HDAC11: variants seen among roughly 807,000 people sequenced by gnomAD.
HDAC11 encodes histone deacetylase 11.
A neutral mutation model predicts 41.1 loss-of-function variants in HDAC11; 23 were observed. That is an observed-to-expected ratio of 0.56 (90% CI 0.40 to 0.79). The LOEUF (loss-of-function observed/expected upper bound fraction) is 0.79. Ranked by LOEUF, HDAC11 falls within the 30% of genes least tolerant of loss-of-function variation. The probability of loss-of-function intolerance (pLI) is 0.00; values close to 1 mark genes in which losing one functional copy is unlikely to be tolerated. For missense variants in HDAC11, 402 were observed against 477.3 expected (o/e 0.84, Z 1.47); for synonymous variants, 187 against 186.6 (o/e 1.00, Z -0.02).
At chr3:13,492,569 G>C (rs1447226534) in intron 3 of HDAC11, among the ~76,000 whole-genome samples, 1 of 152,080 alleles carries the variant, frequency 6.6e-6, no homozygotes, top group African/African-American at 2.4e-5. Context: ...TTTTGAGACA[G>C]AGTTTCACTC....
At position 13,500,727 on chromosome 3, in the gene HDAC11, C is replaced by A; in HGVS notation, c.427C>A (p.His143Asn). 6.3e-7 allele frequency: 1 copy of A among 1,596,662 alleles called. No homozygotes were observed. Among genetic ancestry groups the A allele is most frequent in the Admixed American group, 1.7e-5 (1 of 58,218 alleles). ...WAINVGGGFHHCSSDRGGGFC... is the reference protein window; with the variant it reads ...WAINVGGGFHNCSSDRGGGFC... ...CCCTTCCGCAGGGGGTGGCTTCCAC[C>A]ACTGCTCCAGCGACCGTGGCGGGGG... The change falls in exon 6 of 10, where the codon CAC becomes AAC. Residue 143 changes from histidine (H) to asparagine (N), a missense_variant. By Grantham distance (68) the His-to-Asn change is moderately conservative. Coordinates refer to ENST00000295757, the MANE Select transcript of HDAC11 (RefSeq NM_024827.4).
intron 2 of HDAC11, 41 bp downstream of exon 2, chr3:13,481,435 A>G (rs371130281): frequency 9.3e-5 from 150 of 1,607,794 alleles, no homozygotes; most frequent in Non-Finnish European, 1.2e-4. Flanking sequence ...GCTTCCTCCA[A>G]CCCACCTGTC....
chr3:13,487,578 C>CA (rs769033246), intron 3 of HDAC11, among the ~76,000 whole-genome samples: 15 of 152,230 alleles, frequency 9.9e-5, no homozygotes, highest in Non-Finnish European at 1.9e-4. Context: ...TTGAGCTCCC[C>CA]AGTGCCCCAG....
chr3:13,504,399 C>T, intron 9 of HDAC11, 69 bp from the exon 10 acceptor site: 1 of 1,596,706 alleles, frequency 6.3e-7, no homozygotes, highest in African/African-American at 1.3e-5. Context: ...CAGGGCTAGC[C>T]CTGCAGCAGG....
intron 5 of HDAC11, 92 bp from the exon 6 acceptor site, chr3:13,500,621 G>C: frequency 9.8e-7 from 1 of 1,019,194 alleles, no homozygotes; most frequent in South Asian, 1.4e-5. Flanking sequence ...GCTGAGCAGG[G>C]AGGATGCTGG....
rs926658146 is a variant in HDAC11, at chr3:13,480,866, C to T, written c.3-380C>T. 1 of 386,290 alleles carries T rather than the reference C, an allele frequency of 2.6e-6. No homozygotes were observed. The highest frequency in any genetic ancestry group is 2.1e-5 in the South Asian group (1 of 47,830). 23.9% of individuals were successfully genotyped at this position (386,290 alleles called of 1,614,324 possible). ...TCACAACAGCCACACATTTTGCAGCCGAAGCCTTGTGCCACACAGCTGTGG... is the reference window on the plus strand; with the variant it reads ...TCACAACAGCCACACATTTTGCAGCTGAAGCCTTGTGCCACACAGCTGTGG... On this transcript the variant is annotated intron_variant, in intron 1 of 9. Transcript: ENST00000295757. The surrounding 1 kb of genome is among the most constrained non-coding windows in gnomAD (Gnocchi z 4.6).
rs1315075466 is a variant in HDAC11, at chr3:13,480,852, A to T, written c.3-394A>T. On this transcript the variant is annotated intron_variant, in intron 1 of 9. Transcript: ENST00000295757. This position sits in a 1 kb window ranked among gnomAD's most constrained non-coding sequence, Gnocchi z 4.6. The stretch of plus-strand genomic sequence containing the variant: ...CATTCTCTGAGTCCTCACAACAGCC[A>T]CACATTTTGCAGCCGAAGCCTTGTG... The T allele has an allele frequency of 5.1e-6, 2 of 389,848 alleles. No individual in the cohort carries two copies. Among genetic ancestry groups the T allele is most frequent in the Non-Finnish European group, 1.1e-5 (2 of 186,114 alleles). 24.1% of individuals were successfully genotyped at this position (389,848 alleles called of 1,614,324 possible). A position where few individuals can be genotyped will look rare whatever the true frequency, so the allele number is the denominator to read the frequency against.
rs1192931691 is a variant in HDAC11 at position 13,500,803 on chromosome 3, C to T, written c.489+14C>T. ...CTCGCCATCAAGGTGTGTCTATGAG[C>T]AAGTGGGGTCTCGCCTCCAAGAGCC... On this transcript the variant is annotated intron_variant, in intron 6 of 9. Transcript: ENST00000295757. The T allele has an allele frequency of 1.3e-6, 2 of 1,520,040 alleles. No homozygotes were observed. The highest frequency in any genetic ancestry group is 1.8e-6 in the Non-Finnish European group (2 of 1,125,580). The allele number at this position is 1,520,040 out of a possible 1,614,324, so 94.2% of individuals were successfully genotyped here.
chr3:13,485,521 CCAGGGCCCCACCCATTT>C lies in HDAC11; in HGVS notation c.252+1958_252+1974del, dbSNP rs1485589967. On this transcript the variant is annotated intron_variant, in intron 3 of 9. Coordinates refer to ENST00000295757, the MANE Select transcript of HDAC11 (RefSeq NM_024827.4). ...AGGCTGGGGGTGGGGGGCCTAGGTT[CCAGGGCCCCACCCATTT>C]GAGGGGCCTTCAGGGGAACTGTGTT... Among the ~76,000 whole-genome samples the C allele has an allele frequency of 2.6e-5, 4 of 152,318 alleles. No individual in the cohort carries two copies. In the South Asian group the frequency reaches 8.3e-4, roughly 32 times the overall value.
In HDAC11 at chr3:13,502,829, C is replaced by T; in HGVS notation, c.553-55C>T. On this transcript the variant is annotated intron_variant, in intron 7 of 9. Transcript: ENST00000295757. This position sits in a 1 kb window ranked among gnomAD's most constrained non-coding sequence, Gnocchi z 4.1. Reference sequence around the variant, plus strand: ...CCTGAGGGGTGGGTGGGTGGCAGAGCCCCAGCCTTGCCTAGGGCACCTACC... The same window carrying T: ...CCTGAGGGGTGGGTGGGTGGCAGAGTCCCAGCCTTGCCTAGGGCACCTACC... 6.9e-7 allele frequency: 1 copy of T among 1,442,288 alleles called. No individual in the cohort carries two copies. Among genetic ancestry groups the T allele is most frequent in the Non-Finnish European group, 9.7e-7 (1 of 1,029,122 alleles). The allele number at this position is 1,442,288 out of a possible 1,614,324, so 89.3% of individuals were successfully genotyped here.
At chr3:13,492,814 G>T (rs1283943454) in intron 3 of HDAC11, among the ~76,000 whole-genome samples, 2 of 152,162 alleles carry the variant, frequency 1.3e-5, no homozygotes, top group Admixed American at 6.5e-5. Context: ...AAAGTTCTGG[G>T]ATTACAGATG....
chr3:13,504,071 G>A, intron 8 of HDAC11, 23 bp from the exon 9 acceptor site: 1 of 1,610,558 alleles, frequency 6.2e-7, no homozygotes, highest in Non-Finnish European at 8.5e-7. Context: ...TATAAATTGA[G>A]GCCATCCATG....
intron 1 of HDAC11, 86 bp from the exon 2 acceptor site, chr3:13,481,160 G>A: frequency 7.1e-7 from 1 of 1,409,292 alleles, no homozygotes. Flanking sequence ...GGCAATGGCT[G>A]GTGGGTCAGT....
At chr3:13,500,823 A>G (rs748790709) in intron 6 of HDAC11, 34 bp downstream of exon 6, 32 of 1,438,504 alleles carry the variant, frequency 2.2e-5, no homozygotes, top group Non-Finnish European at 2.5e-5. Flanking sequence ...CTCGCCTCCA[A>G]GAGCCCTCCT....
chr3:13,496,230 C>A (rs190804172), intron 3 of HDAC11, among the ~76,000 whole-genome samples: 1 of 152,292 alleles, frequency 6.6e-6, no homozygotes, highest in African/African-American at 2.4e-5. Flanking sequence ...CAGGAAGGTC[C>A]GATTCCCAAT....
intron 3 of HDAC11, among the ~76,000 whole-genome samples, chr3:13,493,459 G>C (rs1272919649): frequency 2.0e-5 from 3 of 152,238 alleles, no homozygotes; most frequent in Non-Finnish European, 4.4e-5. Context: ...GCTCAGACCT[G>C]CTCTGTGCAG....
intron 5 of HDAC11, among the ~76,000 whole-genome samples, chr3:13,499,921 G>A (rs1181757123): frequency 6.6e-6 from 1 of 152,136 alleles, no homozygotes; most frequent in African/African-American, 2.4e-5. Context: ...CCCTGGGCAA[G>A]TTGCTGACCT....
At chr3:13,490,480 ATGTC>A (rs1170365149) in intron 3 of HDAC11, among the ~76,000 whole-genome samples, 7 of 152,092 alleles carry the variant, frequency 4.6e-5, no homozygotes, top group Admixed American at 4.6e-4. Flanking sequence ...TGAACATGGG[ATGTC>A]TTTCCGTTTA....
intron 3 of HDAC11, among the ~76,000 whole-genome samples, chr3:13,489,050 T>C (rs890212389): frequency 2.0e-5 from 3 of 152,352 alleles, no homozygotes; most frequent in South Asian, 4.1e-4. Context: ...GCTATTTGTA[T>C]ATGTCATTTG....
Sources: allele counts gnomAD v4.1 joint callset (sites outside exome capture counted in the v4.1 genomes callset), GRCh38; gene constraint gnomAD v4.1.1; non-coding constraint Gnocchi (gnomAD v3.1); transcripts MANE v1.5; gene names NCBI Gene and HGNC (gene_info 2026-07-23, HGNC 2026-07-21).